The following ZNF385A variants were observed in gnomAD, a reference collection of about 807,000 sequenced individuals.
The protein encoded by ZNF385A is zinc finger protein 385A, also known as hematopoietic zinc finger protein.
Under a neutral mutation model 32.1 loss-of-function variants are expected in ZNF385A, and 14 were observed. That is an observed-to-expected ratio of 0.44 (90% confidence interval 0.29 to 0.68). The LOEUF is 0.68. ZNF385A is among the 30% of genes least tolerant of loss of function. The pLI is 0.14. For missense variants in ZNF385A, 406 were observed against 478.4 expected (o/e 0.85, Z 1.41); for synonymous variants, 197 against 202.7 (o/e 0.97, Z 0.24).
chr12:54,383,977 C>T (rs1955332586), intron 1 of ZNF385A, among the ~76,000 whole-genome samples: 1 of 152,208 alleles, frequency 6.6e-6, no homozygotes. Flanking sequence ...TGCCAGTCCT[C>T]CAAGCCCTAT....
chr12:54,391,264 G>C, exon 1 of ZNF385A: 2 of 1,381,374 alleles, frequency 1.4e-6, no homozygotes, highest in South Asian at 3.1e-5. Flanking sequence ...CCAGGCGCCC[G>C]GGGTTCCGCG....
chr12:54,386,559 A>G (rs188470616), upstream of ZNF385A, among the ~76,000 whole-genome samples: 30 of 152,098 alleles, frequency 2.0e-4, 1 homozygote, highest in East Asian at 5.4e-3. Flanking sequence ...ACTGCCTGTT[A>G]CCCAAGGCCA....
At position 54,371,600 on chromosome 12, in the gene ZNF385A, C is replaced by T. The variant is rs150316025; in HGVS notation, c.477G>A (p.Gly159=). The change falls in exon 4 of 7, where the codon GGG becomes GGA. Residue 159 remains glycine, a synonymous_variant. Transcript: ENST00000394313. ...CAGGCAAGGAAGCCGGGGCTGGAGT[C>T]CCCCCTTCACCCTTGGTTACACCCT... ...TGQGVTKGEG[G]TPAPASLPGG... is the part of the protein sequence containing the mutation. The T allele has an allele frequency of 5.5e-5, 89 of 1,613,068 alleles. 1 individual carries two copies. The African/African-American group carries it at 1.1e-3, about 20-fold the overall frequency.
chr12:54,370,746 C>T lies in ZNF385A; in HGVS notation c.775-25G>A. 6.3e-7 allele frequency: 1 copy of T among 1,576,586 alleles called. No individual in the cohort carries two copies. Among genetic ancestry groups the T allele is most frequent in the Non-Finnish European group, 8.6e-7 (1 of 1,164,794 alleles). ...GCTGCGGGGGCCAGTGGATAGGGGG[C>T]TGTGAGCTCCCGGAAAGGGGCAACA... On this transcript the variant is annotated intron_variant, in intron 5 of 6. Coordinates refer to ENST00000394313, the MANE Select transcript of ZNF385A (RefSeq NM_015481.3). This position sits in a 1 kb window ranked among gnomAD's most constrained non-coding sequence, Gnocchi z 5.5.
At position 54,382,244 on chromosome 12, in the gene ZNF385A, G is replaced by GT. The variant is rs35563558; in HGVS notation, c.87+2183dup. On this transcript the variant is annotated intron_variant, in intron 1 of 6. Transcript: ENST00000394313. ...CACCACGCCCGGCTAGTTTTTTGTT[G>GT]TTTTTTTTTTTAGTAGAGACGGGGT... 8.3e-4 allele frequency among the ~76,000 whole-genome samples: 123 copies of GT among 148,036 alleles called. 1 individual carries two copies. Among genetic ancestry groups the GT allele is most frequent in the Middle Eastern group, 3.4e-3 (1 of 294 alleles).
At chr12:54,384,027 G>T (rs1432208518) in intron 1 of ZNF385A, among the ~76,000 whole-genome samples, 1 of 152,192 alleles carries the variant, frequency 6.6e-6, no homozygotes, top group Non-Finnish European at 1.5e-5. Flanking sequence ...CTGCAGAGAG[G>T]TGAAACTTAC....
chr12:54,370,015 C>G lies in ZNF385A; in HGVS notation c.*241G>C, dbSNP rs774565671. 55 of 405,794 alleles carry G rather than the reference C, an allele frequency of 1.4e-4. No homozygotes were observed. Among genetic ancestry groups the G allele is most frequent in the Admixed American group, 4.0e-5 (1 of 24,776 alleles). The allele number at this position is 405,794 out of a possible 1,614,324, so 25.1% of individuals were successfully genotyped here. A position where few individuals can be genotyped will look rare whatever the true frequency, so the allele number is the denominator to read the frequency against. ...GGGGCTCGGGGGTGAGACGGCCCCCCCTTTTCTAGGGGAGAGGGAAAGGCA... is the reference window on the plus strand; with the variant it reads ...GGGGCTCGGGGGTGAGACGGCCCCCGCTTTTCTAGGGGAGAGGGAAAGGCA... On this transcript the variant is annotated 3_prime_UTR_variant, in exon 7 of 7. Coordinates refer to ENST00000394313, the MANE Select transcript of ZNF385A (RefSeq NM_015481.3). The surrounding 1 kb of genome is among the most constrained non-coding windows in gnomAD (Gnocchi z 5.5).
At chr12:54,378,973 G>A (rs1954987205) in intron 1 of ZNF385A, 3 of 827,744 alleles carry the variant, frequency 3.6e-6, no homozygotes, top group Non-Finnish European at 4.4e-6. Context: ...AGAGGGAGCG[G>A]TAGCCAGCCC....
At chr12:54,379,121 G>C (rs1955000918) in intron 1 of ZNF385A, 1 of 981,454 alleles carries the variant, frequency 1.0e-6, no homozygotes, top group South Asian at 4.7e-5. Context: ...ACCCGGGCTG[G>C]GGGGCCGCGC....
At position 54,370,598 on chromosome 12, in the gene ZNF385A, T is replaced by G; in HGVS notation, c.870+28A>C. 6.6e-7 allele frequency: 1 copy of G among 1,522,538 alleles called. No homozygotes were observed. Among genetic ancestry groups the G allele is most frequent in the South Asian group, 1.2e-5 (1 of 85,492 alleles). 94.3% of individuals were successfully genotyped at this position (1,522,538 alleles called of 1,614,324 possible). On this transcript the variant is annotated intron_variant, in intron 6 of 6. Transcript: ENST00000394313. This position sits in a 1 kb window ranked among gnomAD's most constrained non-coding sequence, Gnocchi z 5.5. The stretch of plus-strand genomic sequence containing the variant: ...CTCCTCCCCGCCCGCGCCCTCCCAC[T>G]GCTGAATTCCCAGCATCCAGGCCTC...
exon 1 of ZNF385A, chr12:54,391,276 C>A: frequency 1.5e-6 from 2 of 1,338,548 alleles, no homozygotes; most frequent in Non-Finnish European, 1.9e-6. Flanking sequence ...GGTTCCGCGT[C>A]GCTCTGTCCC....
chr12:54,372,377 G>T (rs1230236765), intron 3 of ZNF385A, among the ~76,000 whole-genome samples: 1 of 152,198 alleles, frequency 6.6e-6, no homozygotes, highest in African/African-American at 2.4e-5. Context: ...GGCTGGCAGT[G>T]GGGGTGGGGA....
intron 1 of ZNF385A, among the ~76,000 whole-genome samples, chr12:54,381,908 A>G (rs1010091535): frequency 6.6e-5 from 10 of 152,128 alleles, no homozygotes; most frequent in African/African-American, 2.4e-4. Flanking sequence ...TGCCTCTGAC[A>G]CAGCTCTTCT....
chr12:54,386,276 A>G (rs1181946581), upstream of ZNF385A, among the ~76,000 whole-genome samples: 1 of 152,032 alleles, frequency 6.6e-6, no homozygotes. Context: ...TAGGTGACTG[A>G]GGAATCGGAC....
Position 54,378,442 on chromosome 12 carries a change from C to T in ZNF385A, c.88-2488G>A, listed in dbSNP as rs756183629. Among the ~76,000 whole-genome samples the T allele has an allele frequency of 4.9e-4, 75 of 152,246 alleles. 1 individual carries two copies. The highest frequency in any genetic ancestry group is 1.0e-3 in the South Asian group (5 of 4,828). On this transcript the variant is annotated intron_variant, in intron 1 of 6. Coordinates refer to ENST00000394313, the MANE Select transcript of ZNF385A (RefSeq NM_015481.3). ...TCCAACAGTAGACATGAAGGGGAAC[C>T]GCTCCCTGACGCTGGGGCAAAATGA...
intron 4 of ZNF385A, 33 bp downstream of exon 4, chr12:54,371,439 AG>A: frequency 6.3e-7 from 1 of 1,591,484 alleles, no homozygotes; most frequent in South Asian, 1.1e-5. Flanking sequence ...GCCTGAGGAC[AG>A]GAGAGTCTGG....
upstream of ZNF385A, among the ~76,000 whole-genome samples, chr12:54,387,086 T>C (rs1422538939): frequency 1.3e-5 from 2 of 152,204 alleles, no homozygotes; most frequent in East Asian, 3.9e-4. Context: ...TGAATTTAAC[T>C]GAAGCAGAGA....
chr12:54,371,813 A>T, intron 3 of ZNF385A, 98 bp from the exon 4 acceptor site: 1 of 1,544,870 alleles, frequency 6.5e-7, no homozygotes, highest in Non-Finnish European at 8.7e-7. Flanking sequence ...AGGGCAAGGG[A>T]CCAGGAGTCC....
At chr12:54,384,992 G>T, upstream of ZNF385A, 1 of 809,338 alleles carries the variant, frequency 1.2e-6, no homozygotes, top group Non-Finnish European at 1.5e-6. Context: ...GAGTCAAGTG[G>T]GTGATTCATC....
Sources: allele counts gnomAD v4.1 joint callset (sites outside exome capture counted in the v4.1 genomes callset), GRCh38; gene constraint gnomAD v4.1.1; non-coding constraint Gnocchi (gnomAD v3.1); transcripts MANE v1.5; gene names NCBI Gene and HGNC (gene_info 2026-07-23, HGNC 2026-07-21).